GALNT17: variants seen among roughly 807,000 people sequenced by gnomAD.
The protein encoded by GALNT17 is UDP-GalNAc:polypeptide N-acetylgalactosaminyltransferase-like 3.
GALNT17 carries 29 observed loss-of-function variants against 63.7 expected under a neutral mutation model. The ratio of observed to expected loss-of-function variants is 0.46; its 90% CI spans 0.34 to 0.62. GALNT17 has a LOEUF of 0.62. Ranked by LOEUF, GALNT17 falls within the 20% of genes least tolerant of loss-of-function variation. The pLI, the probability that GALNT17 is intolerant of heterozygous loss-of-function variation, is 0.01. For missense variants in GALNT17, 603 were observed against 799.6 expected (o/e 0.75, Z 2.97); for synonymous variants, 305 against 318.3 (o/e 0.96, Z 0.45).
chr7:71,173,087 A>G (rs1788573978), intron 1 of GALNT17, among the ~76,000 whole-genome samples: 2 of 152,192 alleles, frequency 1.3e-5, no homozygotes, highest in African/African-American at 4.8e-5. Context: ...CTGTAAGCCT[A>G]CCTGTCTCAA....
At chr7:71,682,483 T>C (rs552414720) in intron 9 of GALNT17, among the ~76,000 whole-genome samples, 9 of 152,300 alleles carry the variant, frequency 5.9e-5, no homozygotes, top group Middle Eastern at 3.4e-3. Context: ...GGGAACCTGA[T>C]AGACCAGCAG....
intron 1 of GALNT17, among the ~76,000 whole-genome samples, chr7:71,214,289 A>T (rs1789434663): frequency 6.6e-6 from 1 of 152,242 alleles, no homozygotes; most frequent in Non-Finnish European, 1.5e-5. Flanking sequence ...TTTCTGGACG[A>T]AGAGTACCTT....
intron 5 of GALNT17, among the ~76,000 whole-genome samples, chr7:71,450,139 A>ATT (rs55881759): frequency 0.13 from 17,264 of 129,906 alleles, 1,649 homozygotes; most frequent in East Asian, 0.55. Flanking sequence ...GTATTTAAAG[A>ATT]TTTTTTTTTT....
intron 6 of GALNT17, among the ~76,000 whole-genome samples, chr7:71,632,720 C>G (rs1790469841): frequency 1.3e-5 from 2 of 152,124 alleles, no homozygotes; most frequent in African/African-American, 4.8e-5. Context: ...ATTGTGAGCC[C>G]GGGGAACCTG....
intron 3 of GALNT17, among the ~76,000 whole-genome samples, chr7:71,388,667 C>T (rs754735937): frequency 2.2e-4 from 34 of 151,964 alleles, no homozygotes; most frequent in Non-Finnish European, 4.4e-4. Flanking sequence ...GCTGGGATTA[C>T]AGGCACCCGG....
chr7:71,299,827 G>A lies in GALNT17; in HGVS notation c.239-35723G>A, dbSNP rs771714466. Among the ~76,000 whole-genome samples, 103 of 151,948 alleles carry A rather than the reference G, an allele frequency of 6.8e-4. 1 individual carries two copies. The highest frequency in any genetic ancestry group is 2.9e-3 in the Admixed American group (44 of 15,252). The stretch of plus-strand genomic sequence containing the variant: ...GTTGCCCAGGCTGGTGTGCACTGGT[G>A]TGATCTTGACTCACTGCAACCTCCG... On this transcript the variant is annotated intron_variant, in intron 1 of 10. Coordinates refer to ENST00000333538, the MANE Select transcript of GALNT17 (RefSeq NM_022479.3).
intron 2 of GALNT17, among the ~76,000 whole-genome samples, chr7:71,382,312 G>A (rs573409614): frequency 1.0e-3 from 159 of 152,110 alleles, no homozygotes; most frequent in South Asian, 4.8e-3. Flanking sequence ...CCCAGGGGGC[G>A]GAGGGTACAG....
chr7:71,409,249 C>T (rs1288582597), intron 3 of GALNT17, among the ~76,000 whole-genome samples: 1 of 152,076 alleles, frequency 6.6e-6, no homozygotes, highest in Non-Finnish European at 1.5e-5. Context: ...GGAGTAAGCT[C>T]TGGCCCACAC....
At chr7:71,177,301 C>G (rs1283694899) in intron 1 of GALNT17, among the ~76,000 whole-genome samples, 1 of 152,132 alleles carries the variant, frequency 6.6e-6, no homozygotes, top group African/African-American at 2.4e-5. Flanking sequence ...ATCTCTGTCT[C>G]CAGTCACTCA....
chr7:71,619,169 G>A (rs1419903751), intron 6 of GALNT17, among the ~76,000 whole-genome samples: 1 of 152,044 alleles, frequency 6.6e-6, no homozygotes, highest in Non-Finnish European at 1.5e-5. Flanking sequence ...TTGGCCTATA[G>A]TACCAAGCTG....
intron 2 of GALNT17, among the ~76,000 whole-genome samples, chr7:71,352,647 G>A (rs1157300523): frequency 1.3e-5 from 2 of 152,154 alleles, no homozygotes; most frequent in Non-Finnish European, 2.9e-5. Flanking sequence ...ATAGACCTTT[G>A]AAGGCATCAA....
At chr7:71,170,617 T>C (rs990914470) in intron 1 of GALNT17, among the ~76,000 whole-genome samples, 1 of 152,174 alleles carries the variant, frequency 6.6e-6, no homozygotes, top group East Asian at 1.9e-4. Context: ...ATTACAGGCA[T>C]GAGTCACTGC....
intron 5 of GALNT17, among the ~76,000 whole-genome samples, chr7:71,553,595 C>T (rs1016346335): frequency 3.3e-5 from 5 of 152,138 alleles, no homozygotes; most frequent in African/African-American, 4.8e-5. Flanking sequence ...TCTCAAAGTT[C>T]TGTTCATTCT....
At chr7:71,506,933 GA>G (rs1010618429) in intron 5 of GALNT17, among the ~76,000 whole-genome samples, 4 of 152,212 alleles carry the variant, frequency 2.6e-5, no homozygotes, top group Non-Finnish European at 5.9e-5. Flanking sequence ...TCAAAGGAAG[GA>G]TTTTTAAAAG....
At chr7:71,288,048 CAAAAA>C (rs35168193) in intron 1 of GALNT17, among the ~76,000 whole-genome samples, 1 of 86,132 alleles carries the variant, frequency 1.2e-5, no homozygotes, top group Non-Finnish European at 2.4e-5. Flanking sequence ...GAGACTGTCT[CAAAAA>C]AAAAAAAAAA....
chr7:71,329,990 T>C (rs571921541), intron 1 of GALNT17, among the ~76,000 whole-genome samples: 1 of 21,544 alleles, frequency 4.6e-5, no homozygotes, highest in Admixed American at 4.7e-4. Context: ...TGTGTGTATA[T>C]ATATACATAT....
chr7:71,262,878 A>C (rs1396066940), intron 1 of GALNT17, among the ~76,000 whole-genome samples: 1 of 151,574 alleles, frequency 6.6e-6, no homozygotes, highest in Non-Finnish European at 1.5e-5. Flanking sequence ...ATAGGGTTTC[A>C]CTTTGTTGCC....
intron 1 of GALNT17, among the ~76,000 whole-genome samples, chr7:71,136,116 C>T (rs868080796): frequency 5.3e-5 from 8 of 152,246 alleles, no homozygotes; most frequent in African/African-American, 1.2e-4. Context: ...CATCCTCTGC[C>T]GGTGCTTGTT....
intron 2 of GALNT17, among the ~76,000 whole-genome samples, chr7:71,346,914 C>T (rs1042195857): frequency 2.0e-5 from 3 of 151,664 alleles, no homozygotes; most frequent in Non-Finnish European, 4.4e-5. Context: ...ACAGTTGAAA[C>T]CCTCTTTAAG....
Sources: gnomAD v4.1 joint callset for allele counts (sites outside exome capture counted in the v4.1 genomes callset) on GRCh38, gnomAD v4.1.1 for gene constraint, MANE v1.5 for transcripts, NCBI Gene and HGNC (gene_info 2026-07-23, HGNC 2026-07-21) for gene names.